Variants in DPYSL3 observed in about 807,000 individuals in gnomAD.
The protein encoded by DPYSL3 is dihydropyrimidinase like 3.
In DPYSL3, 16 loss-of-function variants were observed where a neutral mutation model predicts 66.1. The ratio of observed to expected loss-of-function variants is 0.24; its 90% CI spans 0.16 to 0.37. DPYSL3 has a LOEUF of 0.37. Among genes scored for constraint, DPYSL3 ranks in the 10% least tolerant of loss-of-function variants. DPYSL3 has a pLI of 1.00. For missense variants in DPYSL3, 738 were observed against 916.2 expected, an observed-to-expected ratio of 0.81 and a Z score of 2.51; for synonymous variants, 338 against 345.1, an observed-to-expected ratio of 0.98 and a Z score of 0.23.
At chr5:147,497,724 A>T (rs1453819056) in intron 1 of DPYSL3, among the ~76,000 whole-genome samples, 1 of 151,784 alleles carries the variant, frequency 6.6e-6, no homozygotes, top group African/African-American at 2.4e-5. Flanking sequence ...AAAAAAACTT[A>T]GCGAAGTAGG....
chr5:147,404,491 C>T (rs1442879559), intron 8 of DPYSL3, among the ~76,000 whole-genome samples: 1 of 152,202 alleles, frequency 6.6e-6, no homozygotes, highest in African/African-American at 2.4e-5. Context: ...CCATGTTGGG[C>T]CTCTCTACTA....
chr5:147,479,644 A>C (rs1258466385), intron 1 of DPYSL3, among the ~76,000 whole-genome samples: 1 of 152,164 alleles, frequency 6.6e-6, no homozygotes. Context: ...CTAATTAAAT[A>C]TCTCTGGGGA....
At chr5:147,420,111 C>A (rs1402753910) in intron 2 of DPYSL3, among the ~76,000 whole-genome samples, 1 of 152,166 alleles carries the variant, frequency 6.6e-6, no homozygotes, top group Non-Finnish European at 1.5e-5. Context: ...AAGTTTCTAG[C>A]AAAATCCAAG....
At position 147,430,166 on chromosome 5, in the gene DPYSL3, T is replaced by TAGGGAGGAAGGG. The variant is rs1271960558; in HGVS notation, c.382-5215_382-5204dup. Among the ~76,000 whole-genome samples the TAGGGAGGAAGGG allele has an allele frequency of 8.1e-5, 12 of 147,458 alleles. 1 individual carries two copies. The South Asian group carries it at 2.0e-3, about 24-fold the overall frequency. ...AGCAAAAGAGAGGGAGGGAAAAAGG[T>TAGGGAGGAAGGG]AGGGAGGAAGGGAGGGAGGAAAGGA... On this transcript the variant is annotated intron_variant, in intron 1 of 13. Transcript: ENST00000343218.
chr5:147,471,807 C>CTCTATAACTATATAACTATATAACA (rs1753089245), intron 1 of DPYSL3, among the ~76,000 whole-genome samples: 1 of 152,070 alleles, frequency 6.6e-6, no homozygotes, highest in Admixed American at 6.5e-5. Context: ...ATAACAAGAG[C>CTCTATAACTATATAACTATATAACA]GTGAGAGAAT....
At chr5:147,503,555 G>T (rs1274795653) in intron 1 of DPYSL3, among the ~76,000 whole-genome samples, 1 of 152,170 alleles carries the variant, frequency 6.6e-6, no homozygotes, top group East Asian at 1.9e-4. Context: ...GGCTCCCAAA[G>T]TGCTGGGATT....
chr5:147,404,059 C>A (rs761212338), intron 8 of DPYSL3, among the ~76,000 whole-genome samples: 4 of 152,150 alleles, frequency 2.6e-5, no homozygotes, highest in Non-Finnish European at 5.9e-5. Flanking sequence ...TCACAGTTGG[C>A]AGGGGTGTGT....
At position 147,497,896 on chromosome 5, in the gene DPYSL3, TTC is replaced by T. The variant is rs34530065; in HGVS notation, c.381+11580_381+11581del. 3.1e-3 allele frequency among the ~76,000 whole-genome samples: 456 copies of T among 149,352 alleles called. 2 individuals are homozygous for T. The highest frequency in any genetic ancestry group is 9.9e-3 in the African/African-American group (406 of 40,942). ...ACTTTTCTTTGTATCCTTCCTTCCC[TTC>T]TCTCTCTCTCTCTCTCTTTCTCTCT... On this transcript the variant is annotated intron_variant, in intron 1 of 13. Coordinates refer to ENST00000343218, the MANE Select transcript of DPYSL3 (RefSeq NM_001197294.2).
At chr5:147,446,598 A>T (rs570683264) in intron 1 of DPYSL3, among the ~76,000 whole-genome samples, 1 of 152,302 alleles carries the variant, frequency 6.6e-6, no homozygotes, top group South Asian at 2.1e-4. Flanking sequence ...GACTGAAGGG[A>T]AACAGACAGC....
In DPYSL3 at chr5:147,509,958, A is replaced by C. The variant is rs1753736984; in HGVS notation, c.-100T>G. ...GAGCCACAGTGACTGTGGCGGGAGG[A>C]GGCGCCTGAGCCTTCGCGCCAGAGG... On this transcript the variant is annotated 5_prime_UTR_variant, in exon 1 of 14. Coordinates refer to ENST00000343218, the MANE Select transcript of DPYSL3 (RefSeq NM_001197294.2). The surrounding 1 kb of genome is among the most constrained non-coding windows in gnomAD (Gnocchi z 5.3). 4.9e-6 allele frequency: 7 copies of C among 1,429,646 alleles called. No individual in the cohort carries two copies. In the South Asian group the frequency reaches 8.9e-5, roughly 18 times the overall value. 88.6% of individuals were successfully genotyped at this position (1,429,646 alleles called of 1,614,324 possible). A position where few individuals can be genotyped will look rare whatever the true frequency, so the allele number is the denominator to read the frequency against.
chr5:147,480,938 T>C (rs1406623283), intron 1 of DPYSL3, among the ~76,000 whole-genome samples: 1 of 151,952 alleles, frequency 6.6e-6, no homozygotes, highest in Non-Finnish European at 1.5e-5. Flanking sequence ...GTCAGGCTGG[T>C]CTCAAATTCT....
intron 8 of DPYSL3, 80 bp from the exon 9 acceptor site, chr5:147,401,776 A>G (rs1758187929): frequency 1.3e-6 from 2 of 1,547,400 alleles, no homozygotes; most frequent in Admixed American, 3.8e-5. Context: ...TTTAGCTCCT[A>G]AGCCTACCCA....
intron 1 of DPYSL3, among the ~76,000 whole-genome samples, chr5:147,442,135 C>T (rs1752543722): frequency 6.6e-6 from 1 of 152,182 alleles, no homozygotes; most frequent in South Asian, 2.1e-4. Context: ...TAAAGGTCTC[C>T]TTGAAAGAAT....
intron 13 of DPYSL3, among the ~76,000 whole-genome samples, chr5:147,395,171 A>G (rs1757930744): frequency 6.6e-6 from 1 of 152,244 alleles, no homozygotes; most frequent in African/African-American, 2.4e-5. Flanking sequence ...GAGCATAAAA[A>G]TAATTTAAGC....
intron 1 of DPYSL3, among the ~76,000 whole-genome samples, chr5:147,484,353 G>T (rs888421148): frequency 9.2e-5 from 14 of 152,146 alleles, no homozygotes; most frequent in African/African-American, 3.1e-4. Flanking sequence ...TCCTGTGTTT[G>T]CAGCTTTACA....
intron 5 of DPYSL3, among the ~76,000 whole-genome samples, 173 bp downstream of exon 5, chr5:147,413,423 C>G (rs955543020): frequency 6.6e-6 from 1 of 152,172 alleles, no homozygotes; most frequent in African/African-American, 2.4e-5. Flanking sequence ...CATGGGCACC[C>G]TGCCTGTTAC....
At chr5:147,447,975 C>G (rs953053017) in intron 1 of DPYSL3, among the ~76,000 whole-genome samples, 2 of 152,168 alleles carry the variant, frequency 1.3e-5, no homozygotes, top group Non-Finnish European at 2.9e-5. Context: ...GAGACTCATT[C>G]CTACTACTGT....
At chr5:147,422,452 A>G (rs572348534) in intron 2 of DPYSL3, among the ~76,000 whole-genome samples, 1 of 152,316 alleles carries the variant, frequency 6.6e-6, no homozygotes, top group South Asian at 2.1e-4. Context: ...GCAATTCCTC[A>G]GGGATCTAGA....
At chr5:147,478,575 T>A (rs1434969473) in intron 1 of DPYSL3, among the ~76,000 whole-genome samples, 1 of 152,178 alleles carries the variant, frequency 6.6e-6, no homozygotes, top group Non-Finnish European at 1.5e-5. Context: ...TTTGCTCAAC[T>A]TATGCCACTG....
Sources: allele counts gnomAD v4.1 joint callset (sites outside exome capture counted in the v4.1 genomes callset), GRCh38; gene constraint gnomAD v4.1.1; non-coding constraint Gnocchi (gnomAD v3.1); transcripts MANE v1.5; gene names NCBI Gene and HGNC (gene_info 2026-07-23, HGNC 2026-07-21).